PPP2R5C: variants seen among roughly 807,000 people sequenced by gnomAD.
The protein encoded by PPP2R5C is protein phosphatase 2 regulatory subunit B'gamma.
Under a neutral mutation model 68.9 loss-of-function variants are expected in PPP2R5C, and 7 were observed. That is an observed-to-expected ratio of 0.10 (90% CI 0.06 to 0.19). The LOEUF (loss-of-function observed/expected upper bound fraction) is 0.19, where lower values mean the gene tolerates loss of function less well. PPP2R5C is among the 10% of genes least tolerant of loss of function. The pLI is 1.00. For synonymous variants in PPP2R5C, 210 were observed against 222.2 expected (o/e 0.95, Z 0.49); for missense variants, 348 against 641.3 (o/e 0.54, Z 4.94).
intron 3 of PPP2R5C, among the ~76,000 whole-genome samples, chr14:101,795,390 AT>A (rs931456402): frequency 7.9e-4 from 119 of 151,444 alleles, no homozygotes; most frequent in Non-Finnish European, 1.4e-3. Context: ...TCATATTTTT[AT>A]TTTTTTTTAA....
At chr14:101,836,904 A>G (rs1048649604) in intron 1 of PPP2R5C, among the ~76,000 whole-genome samples, 11 of 152,264 alleles carry the variant, frequency 7.2e-5, no homozygotes, top group African/African-American at 2.4e-4. Flanking sequence ...ATAGGATGAT[A>G]TAACTACCAT....
chr14:101,765,855 G>A (rs2036834370), intron 2 of PPP2R5C: 1 of 151,096 alleles, frequency 6.6e-6, no homozygotes, highest in Admixed American at 6.6e-5. Context: ...CCAAAGTGCT[G>A]GGATTACAGG....
At chr14:101,865,444 G>A (rs1213830915) in intron 2 of PPP2R5C, among the ~76,000 whole-genome samples, 1 of 152,212 alleles carries the variant, frequency 6.6e-6, no homozygotes, top group Non-Finnish European at 1.5e-5. Context: ...TGATCCCGTT[G>A]CCGTAACTAG....
At chr14:101,796,301 A>G (rs2038605152) in intron 3 of PPP2R5C, among the ~76,000 whole-genome samples, 1 of 152,194 alleles carries the variant, frequency 6.6e-6, no homozygotes, top group Non-Finnish European at 1.5e-5. Context: ...GCTTAGAAAG[A>G]GCCGCGCAGG....
At position 101,888,013 on chromosome 14, in the gene PPP2R5C, C is replaced by T. The variant is rs1566942368; in HGVS notation, c.630-2224C>T. On this transcript the variant is annotated intron_variant, in intron 5 of 13. Transcript: ENST00000334743. The surrounding 1 kb of genome is among the most constrained non-coding windows in gnomAD (Gnocchi z 5.6). ...AGGAAAAGAACTGTCCTTATTTCTT[C>T]TTTCTTCTGCCTACATCAAAGCAGG... Among the ~76,000 whole-genome samples the T allele has an allele frequency of 6.6e-6, 1 of 152,190 alleles. No individual in the cohort carries two copies. The highest frequency in any genetic ancestry group is 1.9e-4 in the East Asian group (1 of 5,194).
chr14:101,905,563 A>C (rs1389816348), intron 9 of PPP2R5C, among the ~76,000 whole-genome samples: 8 of 152,018 alleles, frequency 5.3e-5, no homozygotes, highest in Admixed American at 4.6e-4. Flanking sequence ...AGGCTGAGGC[A>C]GGAGAATCGC....
Position 101,781,973 on chromosome 14 carries a change from C to T in PPP2R5C, c.94-4045C>T, listed in dbSNP as rs1054525555. Among the ~76,000 whole-genome samples the T allele has an allele frequency of 1.3e-5, 2 of 151,554 alleles. No individual in the cohort carries two copies. The highest frequency in any genetic ancestry group is 6.6e-5 in the Admixed American group (1 of 15,234). On this transcript the variant is annotated intron_variant, in intron 2 of 14. Coordinates refer to the PPP2R5C transcript ENST00000328724. The surrounding 1 kb of genome is among the most constrained non-coding windows in gnomAD (Gnocchi z 6.4). ...GGCAGCTGCTCCCAAGGGAGCCCCT[C>T]GCCCTCTCTCTCTCCTTCCCTCATT...
At chr14:101,857,341 C>G (rs1346447039) in intron 2 of PPP2R5C, among the ~76,000 whole-genome samples, 2 of 152,094 alleles carry the variant, frequency 1.3e-5, no homozygotes, top group African/African-American at 4.8e-5. Context: ...CAGAATAGTT[C>G]ATGCTGATTG....
chr14:101,906,563 AT>A lies in PPP2R5C; in HGVS notation c.1151+38del, dbSNP rs781236937. On this transcript the variant is annotated intron_variant, in intron 10 of 13. Transcript: ENST00000334743. The surrounding 1 kb of genome is among the most constrained non-coding windows in gnomAD (Gnocchi z 4.0). ...GAACTGGCTGCCATCTTTTTCAGTC[AT>A]TTTAAAATATGGCACGTTTTACTGC... The A allele has an allele frequency of 1.3e-6, 2 of 1,571,396 alleles. No homozygotes were observed. Among genetic ancestry groups the A allele is most frequent in the South Asian group, 2.4e-5 (2 of 84,728 alleles).
intron 11 of PPP2R5C, 63 bp from the exon 14 acceptor site, chr14:101,912,338 C>A: frequency 7.1e-7 from 1 of 1,405,970 alleles, no homozygotes; most frequent in Non-Finnish European, 9.5e-7. Context: ...GTGCCTTTTC[C>A]CCTTCAGTGT....
rs995484578 is a variant in PPP2R5C at position 101,915,026 on chromosome 14, G to A, written c.1326+2553G>A. Among the ~76,000 whole-genome samples, 5 of 152,138 alleles carry A rather than the reference G, an allele frequency of 3.3e-5. No homozygotes were observed. The highest frequency in any genetic ancestry group is 1.2e-4 in the African/African-American group (5 of 41,428). ...TCCTTCGAGAGAGGAGCTCATGTGC[G>A]GAATGCACCTCAGTGAAGGTTTTTG... On this transcript the variant is annotated intron_variant, in intron 12 of 13. Transcript: ENST00000334743. The surrounding 1 kb of genome is among the most constrained non-coding windows in gnomAD (Gnocchi z 4.2).
upstream of PPP2R5C, chr14:101,761,849 AGGCGGCGGCAGG>A (rs1809397055): frequency 1.7e-5 from 18 of 1,035,402 alleles, no homozygotes; most frequent in South Asian, 4.6e-5. Context: ...CTGCGGGGGC[AGGCGGCGGCAGG>A]GGCGGCGGCG....
In PPP2R5C at chr14:101,917,958, ACCGAG is replaced by A; in HGVS notation, c.1443+13_1443+17del. 1 of 1,613,804 alleles carries A rather than the reference ACCGAG, an allele frequency of 6.2e-7. No homozygotes were observed. Among genetic ancestry groups the A allele is most frequent in the Non-Finnish European group, 8.5e-7 (1 of 1,179,824 alleles). On this transcript the variant is annotated intron_variant, in intron 13 of 13. Transcript: ENST00000334743. This position sits in a 1 kb window ranked among gnomAD's most constrained non-coding sequence, Gnocchi z 4.4. ...GACGAGGCTCATCAGGTAAAAGTGC[ACCGAG>A]CTCAGCTGGGCACCCATGACTGATT... is the stretch of plus-strand genomic sequence containing the variant.
At chr14:101,782,014 T>A (rs1263925376) in intron 2 of PPP2R5C, among the ~76,000 whole-genome samples, 2 of 147,412 alleles carry the variant, frequency 1.4e-5, no homozygotes, top group Admixed American at 6.7e-5. Flanking sequence ...CATCCTTCTC[T>A]CCCTGTGTGC....
intron 2 of PPP2R5C, among the ~76,000 whole-genome samples, chr14:101,780,329 T>G (rs1185179558): frequency 6.6e-6 from 1 of 152,206 alleles, no homozygotes; most frequent in East Asian, 1.9e-4. Flanking sequence ...TGATATGTGC[T>G]GGTTCCTCCT....
intron 1 of PPP2R5C, chr14:101,820,697 G>A (rs1442620017): frequency 6.6e-6 from 1 of 152,150 alleles, no homozygotes; most frequent in Non-Finnish European, 1.5e-5. Context: ...ACAGCAAGTT[G>A]AACACAGAAG....
At chr14:101,768,031 A>G (rs1057282918) in intron 2 of PPP2R5C, among the ~76,000 whole-genome samples, 15 of 152,178 alleles carry the variant, frequency 9.9e-5, no homozygotes, top group Admixed American at 5.2e-4. Flanking sequence ...GTGGGGCAAG[A>G]TATTTTGTTG....
At chr14:101,842,466 C>A (rs1457586958) in intron 1 of PPP2R5C, among the ~76,000 whole-genome samples, 1 of 152,202 alleles carries the variant, frequency 6.6e-6, no homozygotes, top group Non-Finnish European at 1.5e-5. Context: ...GAGTGAGGAG[C>A]AAGCTGGGGT....
chr14:101,821,147 C>G (rs1256283685), intron 1 of PPP2R5C: 1 of 151,868 alleles, frequency 6.6e-6, no homozygotes, highest in Non-Finnish European at 1.5e-5. Context: ...ATCATCTAAA[C>G]TGGTCTCTGG....
Sources: allele counts gnomAD v4.1 joint callset (sites outside exome capture counted in the v4.1 genomes callset), GRCh38; gene constraint gnomAD v4.1.1; non-coding constraint Gnocchi (gnomAD v3.1); transcripts MANE v1.5; gene names NCBI Gene and HGNC (gene_info 2026-07-23, HGNC 2026-07-21).